KIF21B: variants seen among roughly 807,000 people sequenced by gnomAD.
KIF21B encodes the protein kinesin family member 21B.
A neutral mutation model predicts 192.9 loss-of-function variants in KIF21B; 85 were observed. The observed-to-expected ratio is 0.44, with a 90% confidence interval of 0.37 to 0.53. The LOEUF (loss-of-function observed/expected upper bound fraction) is 0.53, where lower values mean the gene tolerates loss of function less well. KIF21B is among the 20% of genes least tolerant of loss of function. KIF21B has a pLI of 0.00. For missense variants in KIF21B, 1,716 were observed against 2,194.8 expected (o/e 0.78, Z 4.36); for synonymous variants, 832 against 884.6 (o/e 0.94, Z 1.05).
intron 1 of KIF21B, among the ~76,000 whole-genome samples, chr1:201,016,559 C>A (rs920714422): frequency 1.3e-5 from 2 of 152,210 alleles, no homozygotes; most frequent in African/African-American, 4.8e-5. Context: ...CTCCCAGACA[C>A]CCGGGGGCTT....
chr1:200,976,747 C>T, intron 32 of KIF21B, 29 bp downstream of exon 32: 1 of 1,466,154 alleles, frequency 6.8e-7, no homozygotes, highest in Non-Finnish European at 9.5e-7. Context: ...GGAAGACCAG[C>T]CCCGACCCAG....
chr1:200,988,786 A>C lies in KIF21B; in HGVS notation c.3278T>G (p.Leu1093Arg), dbSNP rs1656477752. 3 of 1,613,532 alleles carry C rather than the reference A, an allele frequency of 1.9e-6. No homozygotes were observed. The highest frequency in any genetic ancestry group is 8.5e-7 in the Non-Finnish European group (1 of 1,179,752). Reference sequence around the variant, plus strand: ...CGTACCCTGCTGCACATTGTAGATGAGGGCCTGCAGCTCGGGGTGAGCTTC... The same window carrying C: ...CGTACCCTGCTGCACATTGTAGATGCGGGCCTGCAGCTCGGGGTGAGCTTC... ...KAEAHPELQALIYNVQQENGY... is the reference protein window; with the variant it reads ...KAEAHPELQARIYNVQQENGY... Residue 1093 changes from leucine (L) to arginine (R), a missense_variant, in exon 22 of 35, where the codon CTC becomes CGC. Leu to Arg is a moderately radical substitution (Grantham distance 102, BLOSUM62 -2). Around this residue, in one of 3 missense-constraint regions of KIF21B, gnomAD observed 580 missense variants for 775.5 expected, o/e 0.75. Coordinates refer to ENST00000461742, the MANE Select transcript of KIF21B (RefSeq NM_001252102.2).
chr1:200,987,978 T>C (rs575152733), intron 24 of KIF21B, among the ~76,000 whole-genome samples: 1 of 152,184 alleles, frequency 6.6e-6, no homozygotes, highest in Non-Finnish European at 1.5e-5. Context: ...TGAGGCAGAA[T>C]CATGGGTGGG....
rs1571903208 is a variant in KIF21B, at chr1:200,973,436, C to T, written c.*85G>A. ...CGCCCTCTGTCCCCAGAGCAGCTGG[C>T]CCCATCGGCCGGGTCACAGCTTCCC... is the stretch of plus-strand genomic sequence containing the variant. On this transcript the variant is annotated 3_prime_UTR_variant, in exon 35 of 35. Coordinates refer to ENST00000461742, the MANE Select transcript of KIF21B (RefSeq NM_001252102.2). The T allele has an allele frequency of 2.2e-6, 3 of 1,369,156 alleles. No homozygotes were observed. Among genetic ancestry groups the T allele is most frequent in the South Asian group, 3.6e-5 (2 of 55,884 alleles). 84.8% of individuals were successfully genotyped at this position (1,369,156 alleles called of 1,614,324 possible). A position where few individuals can be genotyped will look rare whatever the true frequency, so the allele number is the denominator to read the frequency against.
intron 21 of KIF21B, 57 bp from the exon 22 acceptor site, chr1:200,988,988 T>C: frequency 6.6e-7 from 1 of 1,521,008 alleles, no homozygotes; most frequent in East Asian, 2.3e-5. Context: ...GAGTCACCCA[T>C]ATCACACAAC....
chr1:201,003,904 G>A, intron 7 of KIF21B, 123 bp from the exon 8 acceptor site: 4 of 986,714 alleles, frequency 4.1e-6, no homozygotes, highest in Non-Finnish European at 3.1e-6. Context: ...AAAGCACGTG[G>A]GCATTCAGGA....
At chr1:200,980,813 AG>A in intron 29 of KIF21B, 146 bp downstream of exon 29, 1 of 1,001,386 alleles carries the variant, frequency 1.0e-6, no homozygotes, top group South Asian at 1.8e-5. Flanking sequence ...AGCCAAGGTA[AG>A]AAACAAGGGT....
Position 200,990,281 on chromosome 1 carries a change from G to A in KIF21B, c.2887C>T (p.Arg963Trp), listed in dbSNP as rs764862669. 2.0e-5 allele frequency: 33 copies of A among 1,613,404 alleles called. No homozygotes were observed. Among genetic ancestry groups the A allele is most frequent in the Admixed American group, 8.3e-5 (5 of 59,964 alleles). ...LQEALRRKRERLQAESPEEEK... is the reference protein window; with the variant it reads ...LQEALRRKREWLQAESPEEEK... Reference sequence around the variant, plus strand: ...TCCTCGGGGCTCTCAGCCTGCAGCCGCTCCCGCTTCCTCCGCAGTGCCTCC... The same window carrying A: ...TCCTCGGGGCTCTCAGCCTGCAGCCACTCCCGCTTCCTCCGCAGTGCCTCC... The change falls in exon 20 of 35, where the codon CGG becomes TGG. Residue 963 changes from arginine (R) to tryptophan (W), a missense_variant. By Grantham distance (101) the Arg-to-Trp change is moderately radical (BLOSUM62 -3). Around this residue, in one of 3 missense-constraint regions of KIF21B, gnomAD observed 1,087 missense variants for 1,316.6 expected, o/e 0.83. Coordinates refer to ENST00000461742, the MANE Select transcript of KIF21B (RefSeq NM_001252102.2). This position sits in a 1 kb window ranked among gnomAD's most constrained non-coding sequence, Gnocchi z 5.4.
At chr1:200,988,645 G>A (rs1656464882) in intron 22 of KIF21B, 101 bp from the exon 23 acceptor site, 1 of 1,459,384 alleles carries the variant, frequency 6.9e-7, no homozygotes, top group African/African-American at 1.4e-5. Context: ...ACTGGAATCA[G>A]ACCAGGGCTC....
At position 200,992,384 on chromosome 1, in the gene KIF21B, G is replaced by A; in HGVS notation, c.2283C>T (p.Ala761=). 6.2e-7 allele frequency: 1 copy of A among 1,612,672 alleles called. No homozygotes were observed. The highest frequency in any genetic ancestry group is 8.5e-7 in the Non-Finnish European group (1 of 1,180,030). ...EVAEMKKAKV[A]LMKQMREEQQ... Reference sequence around the variant, plus strand: ...GCTCCTCACGCATCTGCTTCATCAGGGCCACCTGGGATGGGCAGAGATTAT... The same window carrying A: ...GCTCCTCACGCATCTGCTTCATCAGAGCCACCTGGGATGGGCAGAGATTAT... Residue 761 remains alanine, a synonymous_variant, in exon 16 of 35, where the codon GCC becomes GCT. Coordinates refer to ENST00000461742, the MANE Select transcript of KIF21B (RefSeq NM_001252102.2).
intron 5 of KIF21B, 42 bp downstream of exon 5, chr1:201,005,266 C>A (rs1359462356): frequency 1.3e-6 from 2 of 1,534,022 alleles, no homozygotes; most frequent in Admixed American, 2.0e-5. Flanking sequence ...CCGGGATACC[C>A]CTGCAGCAAG....
At chr1:200,984,006 G>A (rs527308932) in intron 27 of KIF21B, among the ~76,000 whole-genome samples, 5 of 152,322 alleles carry the variant, frequency 3.3e-5, no homozygotes, top group African/African-American at 1.2e-4. Context: ...CACCCCTGGG[G>A]CAGGGAAGCC....
intron 9 of KIF21B, chr1:201,001,713 T>C (rs1382193809): frequency 6.3e-6 from 1 of 159,174 alleles, no homozygotes; most frequent in Non-Finnish European, 1.4e-5. Flanking sequence ...TAATGCTAAA[T>C]GAAAAAGGGA....
intron 1 of KIF21B, among the ~76,000 whole-genome samples, chr1:201,013,735 A>G (rs934081366): frequency 6.6e-6 from 1 of 152,240 alleles, no homozygotes; most frequent in Non-Finnish European, 1.5e-5. Context: ...ATTGACCCTC[A>G]GTACAAAATT....
At chr1:200,985,268 G>T (rs1178590664) in intron 26 of KIF21B, among the ~76,000 whole-genome samples, 2 of 152,166 alleles carry the variant, frequency 1.3e-5, no homozygotes, top group African/African-American at 4.8e-5. Flanking sequence ...TGGGAGGATT[G>T]CTTGAACTTA....
In KIF21B at chr1:200,981,103, G is replaced by A. The variant is rs373471693; in HGVS notation, c.3843-7C>T. On this transcript the variant is annotated splice_region_variant and splice_polypyrimidine_tract_variant and intron_variant, in intron 28 of 34. Coordinates refer to ENST00000461742, the MANE Select transcript of KIF21B (RefSeq NM_001252102.2). ...AACCGGGGAGATGATGCCCCTTCCCGGGAGAGAGGGAGAGAAGGCATGCTC... is the reference window on the plus strand; with the variant it reads ...AACCGGGGAGATGATGCCCCTTCCCAGGAGAGAGGGAGAGAAGGCATGCTC... The A allele has an allele frequency of 1.5e-4, 230 of 1,576,318 alleles. 2 individuals are homozygous for A. Among genetic ancestry groups the A allele is most frequent in the Admixed American group, 5.2e-4 (26 of 49,796 alleles).
chr1:200,979,338 T>A (rs1655764174), intron 30 of KIF21B, among the ~76,000 whole-genome samples, 197 bp downstream of exon 30: 1 of 152,190 alleles, frequency 6.6e-6, no homozygotes, highest in South Asian at 2.1e-4. Flanking sequence ...CTAGTGGTGC[T>A]GCCCCAGACA....
intron 15 of KIF21B, among the ~76,000 whole-genome samples, chr1:200,992,796 G>A (rs555613976): frequency 2.6e-5 from 4 of 152,356 alleles, no homozygotes; most frequent in South Asian, 2.1e-4. Flanking sequence ...AGACAGGGCT[G>A]AGGTGAAGAT....
chr1:200,987,334 G>T, intron 24 of KIF21B, 133 bp from the exon 25 acceptor site: 2 of 740,104 alleles, frequency 2.7e-6, no homozygotes, highest in East Asian at 2.7e-5. Context: ...CAACTTCCTA[G>T]GCTCATGCGA....
Sources: allele counts gnomAD v4.1 joint callset (sites outside exome capture counted in the v4.1 genomes callset), GRCh38; gene constraint gnomAD v4.1.1; regional missense constraint gnomAD v4.1.1; non-coding constraint Gnocchi (gnomAD v3.1); transcripts MANE v1.5; gene names NCBI Gene and HGNC (gene_info 2026-07-23, HGNC 2026-07-21).